CABCOCO1: variants seen among roughly 807,000 people sequenced by gnomAD.
CABCOCO1 encodes ciliary-associated calcium-binding coiled-coil protein 1.
CABCOCO1 carries 28 observed loss-of-function variants against 35.7 expected under a neutral mutation model. That is an observed-to-expected ratio of 0.78 (90% CI 0.58 to 1.07). The LOEUF (loss-of-function observed/expected upper bound fraction) is 1.07, where lower values mean the gene tolerates loss of function less well. Among genes scored for constraint, CABCOCO1 ranks in the 50% least tolerant of loss-of-function variants. CABCOCO1 has a pLI of 0.00. For missense variants in CABCOCO1, 326 were observed against 309.2 expected, an observed-to-expected ratio of 1.05 and a Z score of -0.41; for synonymous variants, 95 against 100.1, an observed-to-expected ratio of 0.95 and a Z score of 0.30.
intron 4 of CABCOCO1, among the ~76,000 whole-genome samples, chr10:61,690,257 A>T (rs1435019796): frequency 6.6e-6 from 1 of 152,148 alleles, no homozygotes; most frequent in East Asian, 1.9e-4. Flanking sequence ...GGAAAAGTCA[A>T]GATGCCATCT....
chr10:61,731,013 T>C (rs1207122739), intron 5 of CABCOCO1, among the ~76,000 whole-genome samples: 1 of 151,332 alleles, frequency 6.6e-6, no homozygotes, highest in African/African-American at 2.4e-5. Context: ...AAATTGGATA[T>C]TGGACTTATA....
intron 1 of CABCOCO1, among the ~76,000 whole-genome samples, chr10:61,669,331 A>G (rs1205823678): frequency 1.3e-5 from 2 of 152,072 alleles, no homozygotes; most frequent in Non-Finnish European, 2.9e-5. Flanking sequence ...CTCTTGGAAT[A>G]ACTCTTAAAA....
At chr10:61,759,115 G>T (rs1315148115) in intron 5 of CABCOCO1, among the ~76,000 whole-genome samples, 1 of 151,550 alleles carries the variant, frequency 6.6e-6, no homozygotes, top group Admixed American at 6.6e-5. Flanking sequence ...GCCTGACTTT[G>T]TCAGCATACT....
chr10:61,667,047 T>A (rs1182955020), intron 1 of CABCOCO1, among the ~76,000 whole-genome samples: 2 of 142,130 alleles, frequency 1.4e-5, no homozygotes, highest in Non-Finnish European at 3.0e-5. Flanking sequence ...ATATATAAAT[T>A]TCATATATTA....
chr10:61,734,334 G>T (rs981081404), intron 5 of CABCOCO1, among the ~76,000 whole-genome samples: 2 of 151,872 alleles, frequency 1.3e-5, no homozygotes, highest in Non-Finnish European at 2.9e-5. Flanking sequence ...ATTTCCTTTT[G>T]CATTTCCTCT....
At chr10:61,704,753 G>A (rs1239883383) in intron 5 of CABCOCO1, among the ~76,000 whole-genome samples, 12 of 151,534 alleles carry the variant, frequency 7.9e-5, no homozygotes, top group Admixed American at 5.3e-4. Context: ...AACAGCAGCC[G>A]AAATCTCTCT....
chr10:61,762,418 A>C (rs1372771788), intron 7 of CABCOCO1, among the ~76,000 whole-genome samples: 1 of 152,082 alleles, frequency 6.6e-6, no homozygotes, highest in African/African-American at 2.4e-5. Context: ...TAGCTTGCTC[A>C]CCTAAATGTA....
intron 5 of CABCOCO1, among the ~76,000 whole-genome samples, chr10:61,734,994 C>T (rs941424352): frequency 4.6e-5 from 7 of 152,096 alleles, no homozygotes; most frequent in South Asian, 2.1e-4. Context: ...CTTAGTACTG[C>T]GCATTCTTGT....
chr10:61,754,919 A>C (rs1272857179), intron 5 of CABCOCO1, among the ~76,000 whole-genome samples: 3 of 152,140 alleles, frequency 2.0e-5, no homozygotes, highest in African/African-American at 7.2e-5. Flanking sequence ...ACTCTGCAGA[A>C]GCCTGGCAAC....
intron 5 of CABCOCO1, among the ~76,000 whole-genome samples, chr10:61,705,056 C>T (rs2132021235): frequency 6.6e-6 from 1 of 152,236 alleles, no homozygotes; most frequent in South Asian, 2.1e-4. Context: ...AAAATTTATT[C>T]ATTTGAAAAA....
chr10:61,751,533 A>C (rs771103617), intron 5 of CABCOCO1, among the ~76,000 whole-genome samples: 3 of 152,124 alleles, frequency 2.0e-5, no homozygotes, highest in Admixed American at 6.6e-5. Context: ...TTGGAGGAGG[A>C]GCAGGTTTGG....
intron 2 of CABCOCO1, among the ~76,000 whole-genome samples, chr10:61,679,134 C>G (rs1564531531): frequency 6.6e-6 from 1 of 152,064 alleles, no homozygotes; most frequent in East Asian, 1.9e-4. Flanking sequence ...CAAGGAAATA[C>G]CACCTTCATC....
At chr10:61,664,272 G>C (rs1839098326) in intron 1 of CABCOCO1, among the ~76,000 whole-genome samples, 1 of 152,064 alleles carries the variant, frequency 6.6e-6, no homozygotes, top group Non-Finnish European at 1.5e-5. Flanking sequence ...CAATTAAATT[G>C]TGTTATTTAA....
chr10:61,760,782 A>C, intron 6 of CABCOCO1, 81 bp from the exon 7 acceptor site: 2 of 1,423,810 alleles, frequency 1.4e-6, no homozygotes, highest in Non-Finnish European at 9.5e-7. Flanking sequence ...AAATATATTT[A>C]AAACAAGAAG....
chr10:61,690,699 C>A, intron 5 of CABCOCO1, 78 bp downstream of exon 5: 1 of 829,218 alleles, frequency 1.2e-6, no homozygotes, highest in East Asian at 2.6e-5. Context: ...TCTTTAACTG[C>A]TTAAAGCAAC....
At chr10:61,674,922 A>G (rs1311901258) in intron 2 of CABCOCO1, among the ~76,000 whole-genome samples, 2 of 152,164 alleles carry the variant, frequency 1.3e-5, no homozygotes, top group African/African-American at 4.8e-5. Context: ...GAAAGTAACT[A>G]TATAAACACA....
At chr10:61,713,042 G>A (rs1027176940) in intron 5 of CABCOCO1, among the ~76,000 whole-genome samples, 17 of 152,286 alleles carry the variant, frequency 1.1e-4, no homozygotes, top group Admixed American at 5.9e-4. Flanking sequence ...ATTCTGTGAC[G>A]AAAGTCATTG....
chr10:61,686,743 T>G (rs1034139651), intron 4 of CABCOCO1, among the ~76,000 whole-genome samples: 37 of 152,324 alleles, frequency 2.4e-4, no homozygotes, highest in Admixed American at 5.2e-4. Context: ...TCATTAAGTC[T>G]TTCTTACTAC....
intron 5 of CABCOCO1, among the ~76,000 whole-genome samples, chr10:61,706,490 C>T (rs1840595680): frequency 6.6e-6 from 1 of 152,134 alleles, no homozygotes; most frequent in African/African-American, 2.4e-5. Context: ...TGAATGCAGT[C>T]ACCTATTCAA....
Sources: gnomAD v4.1 joint callset for allele counts (sites outside exome capture counted in the v4.1 genomes callset) on GRCh38, gnomAD v4.1.1 for gene constraint, MANE v1.5 for transcripts, NCBI Gene and HGNC (gene_info 2026-07-23, HGNC 2026-07-21) for gene names.